The following XYLT1 variants were observed in gnomAD, a reference collection of about 807,000 sequenced individuals.
XYLT1 encodes beta-D-xylosyltransferase 1.
In XYLT1, 36 loss-of-function variants were observed where a neutral mutation model predicts 91.3. The ratio of observed to expected loss-of-function variants is 0.39; its 90% CI spans 0.30 to 0.52. The LOEUF (loss-of-function observed/expected upper bound fraction) is 0.52. XYLT1 is among the 20% of genes least tolerant of loss of function. The pLI is 0.68. For missense variants in XYLT1, 1,242 were observed against 1,284.5 expected (o/e 0.97, Z 0.51); for synonymous variants, 588 against 532.0 (o/e 1.11, Z -1.45).
intron 11 of XYLT1, among the ~76,000 whole-genome samples, chr16:17,114,612 G>A (rs997231420): frequency 1.3e-5 from 2 of 152,146 alleles, no homozygotes; most frequent in Non-Finnish European, 2.9e-5. Context: ...AGGACTCAAG[G>A]CACCTCCTCC....
rs987010414 is a variant in XYLT1, at chr16:17,127,560, A to G, written c.2223+106T>C. 14 of 1,344,942 alleles carry G rather than the reference A, an allele frequency of 1.0e-5. No individual in the cohort carries two copies. In the African/African-American group the frequency reaches 1.9e-4, roughly 18 times the overall value. 83.3% of individuals were successfully genotyped at this position (1,344,942 alleles called of 1,614,324 possible). A position where few individuals can be genotyped will look rare whatever the true frequency, so the allele number is the denominator to read the frequency against. ...GTTAGCTTATCTTTAGGGATCTCCA[A>G]GTCCTCTTCTCCTCCATCTCCAACT... On this transcript the variant is annotated intron_variant, in intron 10 of 11. Transcript: ENST00000261381.
chr16:17,415,681 G>A (rs974215129), intron 1 of XYLT1, among the ~76,000 whole-genome samples: 1 of 151,946 alleles, frequency 6.6e-6, no homozygotes, highest in African/African-American at 2.4e-5. Flanking sequence ...TACAGAGTGA[G>A]ACTCTGTCTC....
chr16:17,154,197 CAG>C (rs2031351150), intron 6 of XYLT1, among the ~76,000 whole-genome samples: 1 of 152,212 alleles, frequency 6.6e-6, no homozygotes, highest in Non-Finnish European at 1.5e-5. Flanking sequence ...GATGGAGAAA[CAG>C]AGGCATGGCC....
intron 3 of XYLT1, among the ~76,000 whole-genome samples, chr16:17,205,506 T>A (rs888786446): frequency 6.6e-6 from 1 of 152,240 alleles, no homozygotes; most frequent in Non-Finnish European, 1.5e-5. Flanking sequence ...AAAATGGGTA[T>A]GTATAATCAC....
intron 3 of XYLT1, among the ~76,000 whole-genome samples, chr16:17,206,757 T>A (rs537741260): frequency 1.3e-5 from 2 of 152,086 alleles, no homozygotes; most frequent in African/African-American, 4.8e-5. Flanking sequence ...AAATCAGAAA[T>A]AAACAAACAC....
chr16:17,365,321 G>T (rs2035439381), intron 1 of XYLT1, among the ~76,000 whole-genome samples: 1 of 152,136 alleles, frequency 6.6e-6, no homozygotes, highest in Admixed American at 6.5e-5. Flanking sequence ...ATGTCCCCAT[G>T]GGATTTCACA....
At chr16:17,294,150 T>TG (rs961784826) in intron 2 of XYLT1, among the ~76,000 whole-genome samples, 1 of 152,150 alleles carries the variant, frequency 6.6e-6, no homozygotes, top group Non-Finnish European at 1.5e-5. Flanking sequence ...AGGGGTCCCC[T>TG]GCTCAGCAGA....
intron 5 of XYLT1, among the ~76,000 whole-genome samples, chr16:17,189,262 C>T (rs2032256372): frequency 6.6e-6 from 1 of 152,214 alleles, no homozygotes; most frequent in Non-Finnish European, 1.5e-5. Flanking sequence ...CCTGAATCTT[C>T]CCCGGACAAT....
chr16:17,338,230 C>T (rs1403799452), intron 2 of XYLT1: 1 of 456,502 alleles, frequency 2.2e-6, no homozygotes, highest in Non-Finnish European at 4.4e-6. Context: ...CACGAAGCAG[C>T]CAGAGTGATC....
intron 1 of XYLT1, among the ~76,000 whole-genome samples, chr16:17,393,052 C>G (rs757603396): frequency 1.3e-5 from 2 of 152,150 alleles, no homozygotes; most frequent in Non-Finnish European, 2.9e-5. Flanking sequence ...CCCTCCTGCC[C>G]ACTTTTTCCC....
chr16:17,115,483 CTTT>C (rs58467134), intron 11 of XYLT1, among the ~76,000 whole-genome samples: 9 of 137,766 alleles, frequency 6.5e-5, no homozygotes, highest in East Asian at 2.1e-4. Flanking sequence ...GACCTAAATT[CTTT>C]TTTTTTTTTT....
At chr16:17,458,600 C>T (rs533198058) in intron 1 of XYLT1, among the ~76,000 whole-genome samples, 5 of 152,242 alleles carry the variant, frequency 3.3e-5, no homozygotes, top group African/African-American at 9.6e-5. Flanking sequence ...CAAAACAGCA[C>T]AGCTGTTTAC....
chr16:17,372,944 G>T (rs754893046), intron 1 of XYLT1, among the ~76,000 whole-genome samples: 3 of 152,038 alleles, frequency 2.0e-5, no homozygotes, highest in Non-Finnish European at 4.4e-5. Flanking sequence ...TGGTCTATAA[G>T]GACTAACAAC....
rs987670411 is a variant in XYLT1, at chr16:17,141,361, C to T, written c.1379G>A (p.Arg460Gln). 7 of 1,613,800 alleles carry T rather than the reference C, an allele frequency of 4.3e-6. No homozygotes were observed. Among genetic ancestry groups the T allele is most frequent in the African/African-American group, 4.0e-5 (3 of 74,912 alleles). Residue 460 changes from arginine to glutamine, a missense_variant, in exon 7 of 12, where the codon CGG becomes CAG. Coordinates refer to ENST00000261381, the MANE Select transcript of XYLT1 (RefSeq NM_022166.4). Reference sequence around the variant, plus strand: ...GAAGAGCCGATCCAGGCCCTGCTTCCGAATGAACCTGGGAGGGAGAAAGCT... The same window carrying T: ...GAAGAGCCGATCCAGGCCCTGCTTCTGAATGAACCTGGGAGGGAGAAAGCT... ...SHGRDNARFIRKQGLDRLFLE... is the reference protein window; with the variant it reads ...SHGRDNARFIQKQGLDRLFLE...
chr16:17,470,467 C>A lies in XYLT1; in HGVS notation c.330G>T (p.Pro110=). ...GGPGEPRGQQ[P]ASRGALPARA... is the part of the protein sequence containing the mutation. ...GGGCGGGCAGTGCCCCCCGGCTGGC[C>A]GGCTGCTGTCCCCGCGGTTCTCCGG... The change falls in exon 1 of 12, where the codon CCG becomes CCT. Residue 110 remains proline (P), a synonymous_variant. Coordinates refer to ENST00000261381, the MANE Select transcript of XYLT1 (RefSeq NM_022166.4). 1 of 1,232,262 alleles carries A rather than the reference C, an allele frequency of 8.1e-7. No homozygotes were observed. The highest frequency in any genetic ancestry group is 1.0e-6 in the Non-Finnish European group (1 of 988,156). 76.3% of individuals were successfully genotyped at this position (1,232,262 alleles called of 1,614,324 possible).
chr16:17,434,397 C>T (rs909885145), intron 1 of XYLT1, among the ~76,000 whole-genome samples: 5 of 152,212 alleles, frequency 3.3e-5, no homozygotes, highest in Admixed American at 6.5e-5. Context: ...GTCTGTTATC[C>T]ACACAATGCC....
intron 2 of XYLT1, among the ~76,000 whole-genome samples, chr16:17,281,059 G>C (rs945812232): frequency 1.3e-5 from 2 of 152,166 alleles, no homozygotes; most frequent in African/African-American, 4.8e-5. Flanking sequence ...GACAGCGAGG[G>C]GTAAGCAACT....
At chr16:17,262,799 C>A (rs7206442) in intron 2 of XYLT1, among the ~76,000 whole-genome samples, 1 of 152,022 alleles carries the variant, frequency 6.6e-6, no homozygotes, top group African/African-American at 2.4e-5. Context: ...GAAATTGACC[C>A]CTGCTGCTTT....
chr16:17,315,330 T>C (rs2034612079), intron 2 of XYLT1, among the ~76,000 whole-genome samples: 1 of 152,240 alleles, frequency 6.6e-6, no homozygotes, highest in Admixed American at 6.5e-5. Context: ...CATTTGCACA[T>C]GTTCTTCCCC....
Sources: allele counts gnomAD v4.1 joint callset (sites outside exome capture counted in the v4.1 genomes callset), GRCh38; gene constraint gnomAD v4.1.1; transcripts MANE v1.5; gene names NCBI Gene and HGNC (gene_info 2026-07-23, HGNC 2026-07-21).